PRKDC: variants seen among roughly 807,000 people sequenced by gnomAD.
The protein encoded by PRKDC is DNA-dependent protein kinase catalytic subunit.
A neutral mutation model predicts 486.9 loss-of-function variants in PRKDC; 82 were observed. The ratio of observed to expected loss-of-function variants is 0.17; its 90% CI spans 0.14 to 0.20. The LOEUF (loss-of-function observed/expected upper bound fraction) is 0.20, where lower values mean the gene tolerates loss of function less well. Among genes scored for constraint, PRKDC ranks in the 10% least tolerant of loss-of-function variants. PRKDC has a pLI of 1.00. For missense variants in PRKDC, 4,504 were observed against 5,038.2 expected (o/e 0.89, Z 3.21); for synonymous variants, 1,895 against 1,837.0 (o/e 1.03, Z -0.81).
chr8:47,858,438 C>T, intron 48 of PRKDC, 78 bp downstream of exon 48: 1 of 1,271,710 alleles, frequency 7.9e-7, no homozygotes, highest in Non-Finnish European at 1.1e-6. Context: ...CATAGAATTG[C>T]AATTGATTCA....
chr8:47,887,145 A>G, intron 35 of PRKDC, among the ~76,000 whole-genome samples: 1 of 152,222 alleles, frequency 6.6e-6, no homozygotes, highest in East Asian at 1.9e-4. Flanking sequence ...TGCATGGTTC[A>G]AAGAGCCATG....
intron 29 of PRKDC, among the ~76,000 whole-genome samples, chr8:47,898,074 C>T (rs1436909827): frequency 6.6e-6 from 1 of 152,206 alleles, no homozygotes; most frequent in Non-Finnish European, 1.5e-5. Flanking sequence ...TTTATAATTC[C>T]ATGTCTGTCA....
intron 72 of PRKDC, among the ~76,000 whole-genome samples, chr8:47,798,790 T>C (rs1322146549): frequency 1.3e-5 from 2 of 151,998 alleles, no homozygotes; most frequent in Non-Finnish European, 2.9e-5. Context: ...TAGGTCATGT[T>C]GCTTAGAGAG....
intron 10 of PRKDC, among the ~76,000 whole-genome samples, chr8:47,942,636 CA>C (rs2090463880): frequency 6.6e-6 from 1 of 152,190 alleles, no homozygotes; most frequent in African/African-American, 2.4e-5. Flanking sequence ...AGAGCAACCC[CA>C]GAAGTCCACT....
Position 47,836,429 on chromosome 8 carries a change from G to C in PRKDC, c.7860C>G (p.Thr2620=). Residue 2620 remains threonine, a synonymous_variant, in exon 58 of 86, where the codon ACC becomes ACG. Transcript: ENST00000314191. ...AGCGAGCTGAGAGGGACCCTTCCTG[G>C]GTACGGGTCTGGAGAGTGCCCTGGG... ...QASQGTLQTR[T]QEGSLSARWP... The C allele has an allele frequency of 6.2e-7, 1 of 1,613,134 alleles. No homozygotes were observed.
chr8:47,827,626 A>C (rs1043127961), intron 62 of PRKDC, among the ~76,000 whole-genome samples: 2 of 152,218 alleles, frequency 1.3e-5, no homozygotes, highest in African/African-American at 4.8e-5. Flanking sequence ...ACTATCTTAC[A>C]CTGCTTTAAC....
At chr8:47,861,326 T>C (rs2088672393) in intron 44 of PRKDC, among the ~76,000 whole-genome samples, 1 of 152,234 alleles carries the variant, frequency 6.6e-6, no homozygotes, top group African/African-American at 2.4e-5. Context: ...GTGCTTGTAA[T>C]TGTTGTAAAA....
At chr8:47,784,813 T>G (rs1237033554) in intron 77 of PRKDC, among the ~76,000 whole-genome samples, 1 of 152,104 alleles carries the variant, frequency 6.6e-6, no homozygotes, top group Non-Finnish European at 1.5e-5. Context: ...TTCAGGAGCA[T>G]AGCATGAATA....
At chr8:47,803,823 C>G (rs1458862445) in intron 69 of PRKDC, among the ~76,000 whole-genome samples, 2 of 151,560 alleles carry the variant, frequency 1.3e-5, no homozygotes, top group East Asian at 3.9e-4. Context: ...TGGCACGTGC[C>G]TATAGTCCCA....
chr8:47,893,989 C>A (rs1430433447), intron 30 of PRKDC, among the ~76,000 whole-genome samples: 1 of 152,124 alleles, frequency 6.6e-6, no homozygotes, highest in Non-Finnish European at 1.5e-5. Flanking sequence ...GTATTAAAAA[C>A]AGAACATTCA....
In PRKDC at chr8:47,929,921, G is replaced by A; in HGVS notation, c.1984C>T (p.Leu662Phe). 2 of 1,608,868 alleles carry A rather than the reference G, an allele frequency of 1.2e-6. No individual in the cohort carries two copies. The highest frequency in any genetic ancestry group is 2.2e-5 in the South Asian group (2 of 89,286). Reference protein sequence around the residue: ...ELILQSTRLPLISGFYKLLSI... With the variant: ...ELILQSTRLPFISGFYKLLSI... ...AGCAATTTGTAGAAACCACTGATGA[G>A]GGGCAACCTTGTAGATTGCAAAATT... Residue 662 changes from leucine to phenylalanine, a missense_variant, in exon 18 of 86, where the codon CTC (leucine) becomes TTC (phenylalanine). Physicochemically the swap from Leu to Phe is conservative, Grantham distance 22. This residue lies in a region of PRKDC where 1,969 missense variants were observed against 2,068.9 expected (regional missense o/e 0.95). Coordinates refer to ENST00000314191, the MANE Select transcript of PRKDC (RefSeq NM_006904.7).
In PRKDC at chr8:47,863,590, A is replaced by C; in HGVS notation, c.5572-13T>G. 1 of 1,584,616 alleles carries C rather than the reference A, an allele frequency of 6.3e-7. No homozygotes were observed. Among genetic ancestry groups the C allele is most frequent in the Non-Finnish European group, 8.6e-7 (1 of 1,157,762 alleles). On this transcript the variant is annotated splice_polypyrimidine_tract_variant and intron_variant, in intron 41 of 85. Coordinates refer to ENST00000314191, the MANE Select transcript of PRKDC (RefSeq NM_006904.7). ...TAGATTCATTTAGCTTCAAAAAGGT[A>C]AAAAATAATTATCTTTGGTCTTATT... is the stretch of plus-strand genomic sequence containing the variant.
At chr8:47,832,022 A>G in intron 59 of PRKDC, 96 bp from the exon 60 acceptor site, 1 of 1,132,474 alleles carries the variant, frequency 8.8e-7, no homozygotes, top group Non-Finnish European at 1.3e-6. Context: ...GACAAAACCT[A>G]CAGGTGCCGC....
In PRKDC at chr8:47,939,606, T is replaced by A. The variant is rs1268000858; in HGVS notation, c.1058A>T (p.Asp353Val). 6.2e-7 allele frequency: 1 copy of A among 1,613,614 alleles called. No individual in the cohort carries two copies. Among genetic ancestry groups the A allele is most frequent in the Non-Finnish European group, 8.5e-7 (1 of 1,179,662 alleles). The change falls in exon 11 of 86, where the codon GAT (aspartate) becomes GTT (valine). Residue 353 changes from aspartate (D) to valine (V), a missense_variant. Transcript: ENST00000314191. ...AATAGATAACTCCTTGTTGTTCGAA[T>A]CCACATTTCTGATGATTCCATAAAA... ...EQFYGIIRNV[D>V]SNNKELSIAI... is the part of the protein sequence containing the mutation.
At chr8:47,915,606 G>A (rs1352694869) in intron 22 of PRKDC, among the ~76,000 whole-genome samples, 188 bp from the exon 23 acceptor site, 1 of 152,144 alleles carries the variant, frequency 6.6e-6, no homozygotes, top group Non-Finnish European at 1.5e-5. Context: ...TTTTATGTAG[G>A]TCCTGTTTAT....
intron 40 of PRKDC, among the ~76,000 whole-genome samples, chr8:47,871,494 T>C (rs1348915656): frequency 6.6e-6 from 1 of 152,224 alleles, no homozygotes; most frequent in Non-Finnish European, 1.5e-5. Context: ...AATAAAAATA[T>C]CCTTCAAGCA....
chr8:47,799,121 C>A, intron 72 of PRKDC, 89 bp downstream of exon 72: 3 of 1,469,580 alleles, frequency 2.0e-6, no homozygotes, highest in Non-Finnish European at 2.8e-6. Flanking sequence ...AATTTGAAAA[C>A]AAACAAAGAG....
At chr8:47,911,232 T>C (rs954967697) in intron 25 of PRKDC, among the ~76,000 whole-genome samples, 4 of 152,356 alleles carry the variant, frequency 2.6e-5, no homozygotes, top group African/African-American at 9.6e-5. Flanking sequence ...CACCAGGCTC[T>C]GTCCATGCAG....
intron 71 of PRKDC, 110 bp downstream of exon 71, chr8:47,800,683 A>G (rs924250269): frequency 3.0e-6 from 3 of 984,572 alleles, no homozygotes; most frequent in African/African-American, 1.7e-5. Context: ...ACTGTCAAAT[A>G]TATTTTAAAA....
Sources: allele counts gnomAD v4.1 joint callset (sites outside exome capture counted in the v4.1 genomes callset), GRCh38; gene constraint gnomAD v4.1.1; regional missense constraint gnomAD v4.1.1; transcripts MANE v1.5; gene names NCBI Gene and HGNC (gene_info 2026-07-23, HGNC 2026-07-21).